Variants in MAGI2 observed in about 807,000 individuals in gnomAD.
The protein encoded by MAGI2 is membrane associated guanylate kinase, WW and PDZ domain containing 2.
MAGI2 carries 35 observed loss-of-function variants against 133.3 expected under a neutral mutation model. The observed-to-expected ratio is 0.26, with a 90% CI of 0.20 to 0.35. MAGI2 has a LOEUF of 0.35. MAGI2 is among the 10% of genes least tolerant of loss of function. The probability of loss-of-function intolerance (pLI) is 1.00; values close to 1 mark genes in which losing one functional copy is unlikely to be tolerated. For synonymous variants in MAGI2, 729 were observed against 710.6 expected (o/e 1.03, Z -0.41); for missense variants, 1,636 against 1,863.4 (o/e 0.88, Z 2.25).
intron 1 of MAGI2, chr7:79,411,822 C>A (rs977908004): frequency 1.6e-4 from 24 of 151,804 alleles, no homozygotes; most frequent in African/African-American, 5.1e-4. Flanking sequence ...ACTGAAAATA[C>A]ATAAATGGTG....
intron 3 of MAGI2, among the ~76,000 whole-genome samples, chr7:78,621,566 T>C (rs1173490347): frequency 6.6e-6 from 1 of 151,954 alleles, no homozygotes; most frequent in South Asian, 2.1e-4. Flanking sequence ...AGATGTTCTA[T>C]ATCAAATTCA....
intron 1 of MAGI2, among the ~76,000 whole-genome samples, chr7:79,294,721 C>CTTTTTTTTT (rs1161010284): frequency 7.2e-5 from 6 of 83,166 alleles, no homozygotes; most frequent in Middle Eastern, 0.017. Flanking sequence ...ATTTTGGTAG[C>CTTTTTTTTT]TTTTTTTTTT....
chr7:78,141,483 G>A (rs747790305), intron 16 of MAGI2, among the ~76,000 whole-genome samples: 5 of 152,100 alleles, frequency 3.3e-5, no homozygotes, highest in Non-Finnish European at 7.4e-5. Context: ...TCATCATGGG[G>A]TGGAGATGTG....
rs75409623 is a variant in MAGI2 at position 78,583,941 on chromosome 7, G to T, written c.538+43179C>A. On this transcript the variant is annotated intron_variant, in intron 3 of 21. Transcript: ENST00000354212. ...TTCACCTTCTTCATTGTCACCCTCT[G>T]CATTGAGCTCAAATACCCTTCTAGA... 4.6e-5 allele frequency among the ~76,000 whole-genome samples: 7 copies of T among 152,298 alleles called. No individual in the cohort carries two copies. In the East Asian group the frequency reaches 1.4e-3, roughly 29 times the overall value.
rs187352530 is a variant in MAGI2 at position 79,041,984 on chromosome 7, A to C, written c.302-34778T>G. On this transcript the variant is annotated intron_variant, in intron 1 of 21. Coordinates refer to ENST00000354212, the MANE Select transcript of MAGI2 (RefSeq NM_012301.4). ...ACAAGAAACAACTAAGAATTAAAAAAATTATAAACTAGGCTTCACCAATAT... is the reference window on the plus strand; with the variant it reads ...ACAAGAAACAACTAAGAATTAAAAACATTATAAACTAGGCTTCACCAATAT... Among the ~76,000 whole-genome samples the C allele has an allele frequency of 2.0e-5, 3 of 152,314 alleles. No individual in the cohort carries two copies. In the East Asian group the frequency reaches 5.8e-4, roughly 29 times the overall value.
chr7:78,191,082 G>C (rs1828164612), intron 12 of MAGI2, among the ~76,000 whole-genome samples: 1 of 152,172 alleles, frequency 6.6e-6, no homozygotes. Context: ...TGGTAGTAAT[G>C]ACTTAGGGTC....
chr7:78,528,993 T>C (rs1797211059), intron 3 of MAGI2, among the ~76,000 whole-genome samples: 1 of 152,152 alleles, frequency 6.6e-6, no homozygotes, highest in African/African-American at 2.4e-5. Flanking sequence ...TTGTTTTTTT[T>C]TTCATACATG....
intron 6 of MAGI2, among the ~76,000 whole-genome samples, chr7:78,383,985 T>C (rs1210553038): frequency 3.3e-5 from 5 of 152,212 alleles, no homozygotes; most frequent in Non-Finnish European, 7.3e-5. Flanking sequence ...CATGTTGTTT[T>C]GGTTACCATA....
intron 3 of MAGI2, among the ~76,000 whole-genome samples, chr7:78,607,539 A>G (rs998933620): frequency 1.3e-5 from 2 of 151,328 alleles, no homozygotes; most frequent in Non-Finnish European, 2.9e-5. Context: ...AATGTACTGC[A>G]TTGTATTGAG....
At chr7:78,440,459 C>T (rs1413593499) in intron 6 of MAGI2, among the ~76,000 whole-genome samples, 2 of 152,076 alleles carry the variant, frequency 1.3e-5, no homozygotes, top group Non-Finnish European at 2.9e-5. Flanking sequence ...AAAGGATGAA[C>T]TGAAGAGACA....
In MAGI2 at chr7:78,966,325, C is replaced by T. The variant is rs756806858; in HGVS notation, c.418+40765G>A. ...CTGAAACTTTATACCTGTTGAACAG[C>T]AACCCTCCATTTCCCTCTCCCTCTA... On this transcript the variant is annotated intron_variant, in intron 2 of 21. Transcript: ENST00000354212. Among the ~76,000 whole-genome samples the T allele has an allele frequency of 2.0e-5, 3 of 152,004 alleles. No individual in the cohort carries two copies. The South Asian group carries it at 6.2e-4, about 32-fold the overall frequency.
chr7:79,251,538 GAT>G (rs1368275753), intron 1 of MAGI2, among the ~76,000 whole-genome samples: 1 of 152,076 alleles, frequency 6.6e-6, no homozygotes, highest in African/African-American at 2.4e-5. Context: ...ACTACCATGA[GAT>G]ATTATCTTGG....
At chr7:79,179,521 AAATAT>A (rs1195724352) in intron 1 of MAGI2, among the ~76,000 whole-genome samples, 1 of 152,052 alleles carries the variant, frequency 6.6e-6, no homozygotes, top group African/African-American at 2.4e-5. Flanking sequence ...CTTGAATTCA[AAATAT>A]ATTATAAGGT....
chr7:78,355,578 A>T (rs1356283117), intron 7 of MAGI2, among the ~76,000 whole-genome samples: 1 of 152,228 alleles, frequency 6.6e-6, no homozygotes, highest in Non-Finnish European at 1.5e-5. Context: ...CAGATCTTAC[A>T]TTAAGCGGCA....
intron 1 of MAGI2, among the ~76,000 whole-genome samples, chr7:79,130,931 TCA>T (rs1562923972): frequency 2.0e-5 from 3 of 151,952 alleles, no homozygotes; most frequent in Non-Finnish European, 2.9e-5. Context: ...ATTCATTCAT[TCA>T]TTTATTCATT....
chr7:79,102,061 C>T (rs1818033592), intron 1 of MAGI2, among the ~76,000 whole-genome samples: 1 of 151,940 alleles, frequency 6.6e-6, no homozygotes, highest in Non-Finnish European at 1.5e-5. Context: ...TTTTCTACAA[C>T]ATGATTGTAG....
chr7:78,069,296 A>G (rs1397904859), intron 21 of MAGI2, among the ~76,000 whole-genome samples: 1 of 152,164 alleles, frequency 6.6e-6, no homozygotes, highest in Non-Finnish European at 1.5e-5. Flanking sequence ...ACGTCCGGCA[A>G]TCCCCAGGAT....
intron 1 of MAGI2, among the ~76,000 whole-genome samples, chr7:79,016,566 C>A (rs112862232): frequency 0.076 from 11,531 of 152,174 alleles, 468 homozygotes; most frequent in African/African-American, 0.096. Context: ...CTGGCACGCA[C>A]TTGTCCACAA....
intron 3 of MAGI2, among the ~76,000 whole-genome samples, chr7:78,538,422 T>C (rs1199840989): frequency 6.6e-6 from 1 of 152,212 alleles, no homozygotes; most frequent in Non-Finnish European, 1.5e-5. Context: ...TTGGCAGTGT[T>C]GTCATTTTCA....
Sources: allele counts gnomAD v4.1 joint callset (sites outside exome capture counted in the v4.1 genomes callset), GRCh38; gene constraint gnomAD v4.1.1; transcripts MANE v1.5; gene names NCBI Gene and HGNC (gene_info 2026-07-23, HGNC 2026-07-21).